The following PDZRN4 variants were observed in gnomAD, a reference collection of about 807,000 sequenced individuals.
PDZRN4 encodes PDZ domain-containing RING finger protein 4.
PDZRN4 carries 70 observed loss-of-function variants against 99.0 expected under a neutral mutation model. The ratio of observed to expected loss-of-function variants is 0.71; its 90% CI spans 0.58 to 0.86. The LOEUF (loss-of-function observed/expected upper bound fraction) is 0.86, where lower values mean the gene tolerates loss of function less well. PDZRN4 is among the 40% of genes least tolerant of loss of function. The pLI, the probability that PDZRN4 is intolerant of heterozygous loss-of-function variation, is 0.00. For missense variants in PDZRN4, 1,474 were observed against 1,331.2 expected (o/e 1.11, Z -1.67); for synonymous variants, 551 against 501.6 (o/e 1.10, Z -1.32).
At position 41,317,048 on chromosome 12, in the gene PDZRN4, G is replaced by GTATA. The variant is rs33919115; in HGVS notation, c.843+122883_843+122886dup. Among the ~76,000 whole-genome samples the GTATA allele has an allele frequency of 2.4e-3, 165 of 69,582 alleles. 4 individuals carry two copies. The highest frequency in any genetic ancestry group is 5.7e-3 in the African/African-American group (157 of 27,384). The allele number at this position is 69,582 out of a possible 152,430, so 45.6% of individuals were successfully genotyped here. A position where few individuals can be genotyped will look rare whatever the true frequency, so the allele number is the denominator to read the frequency against. ...TCCAGAGAATCATAACTTACATAAA[G>GTATA]TATATATATATATATATATATATAT... On this transcript the variant is annotated intron_variant, in intron 3 of 9. Coordinates refer to ENST00000402685, the MANE Select transcript of PDZRN4 (RefSeq NM_001164595.2).
chr12:41,239,763 G>T (rs1344413035), intron 3 of PDZRN4, among the ~76,000 whole-genome samples: 1 of 152,162 alleles, frequency 6.6e-6, no homozygotes, highest in East Asian at 1.9e-4. Flanking sequence ...GATTCACTGG[G>T]AAGCATATAT....
chr12:41,211,538 G>A (rs1950888809), intron 3 of PDZRN4, among the ~76,000 whole-genome samples: 1 of 151,748 alleles, frequency 6.6e-6, no homozygotes, highest in African/African-American at 2.4e-5. Flanking sequence ...TCATTAGCAT[G>A]ATTAGTGTTA....
intron 3 of PDZRN4, among the ~76,000 whole-genome samples, chr12:41,380,281 T>C (rs746093237): frequency 5.3e-5 from 8 of 152,070 alleles, no homozygotes; most frequent in African/African-American, 9.6e-5. Flanking sequence ...CTGGATTTTG[T>C]TTTTTAATCC....
intron 5 of PDZRN4, among the ~76,000 whole-genome samples, chr12:41,551,950 G>T (rs1386275047): frequency 2.0e-5 from 3 of 152,098 alleles, no homozygotes; most frequent in African/African-American, 7.2e-5. Context: ...CATTACCTGA[G>T]GACTGACATT....
intron 3 of PDZRN4, among the ~76,000 whole-genome samples, chr12:41,334,996 C>T (rs1332150632): frequency 1.3e-5 from 2 of 151,990 alleles, no homozygotes; most frequent in Non-Finnish European, 2.9e-5. Context: ...CTTATCCTAA[C>T]ATTTTAAAGT....
intron 3 of PDZRN4, among the ~76,000 whole-genome samples, chr12:41,385,350 G>A (rs1952161719): frequency 1.3e-5 from 2 of 152,124 alleles, no homozygotes; most frequent in African/African-American, 4.8e-5. Context: ...AACAGCCAAA[G>A]CGAAGTAAAA....
rs543355605 is a variant in PDZRN4, at chr12:41,267,474, G to A, written c.843+73286G>A. ...GAAGAGAGAACCAGGGTTTTCCATC[G>A]AATCAGAGGTTAGAAATGTCCTTTC... is the stretch of plus-strand genomic sequence containing the variant. On this transcript the variant is annotated intron_variant, in intron 3 of 9. Transcript: ENST00000402685. Among the ~76,000 whole-genome samples, 189 of 152,134 alleles carry A rather than the reference G, an allele frequency of 1.2e-3. 1 individual carries two copies. The highest frequency in any genetic ancestry group is 1.5e-3 in the Admixed American group (23 of 15,268).
At chr12:41,489,564 A>G (rs1322999941) in intron 3 of PDZRN4, among the ~76,000 whole-genome samples, 1 of 152,164 alleles carries the variant, frequency 6.6e-6, no homozygotes, top group African/African-American at 2.4e-5. Context: ...TGCAGTGTTT[A>G]GTATAAGCAA....
intron 5 of PDZRN4, among the ~76,000 whole-genome samples, chr12:41,549,477 T>C (rs1312375766): frequency 6.6e-6 from 1 of 152,204 alleles, no homozygotes; most frequent in Non-Finnish European, 1.5e-5. Context: ...AATGTATGTT[T>C]CTGTGTTTTA....
At chr12:41,302,405 A>G (rs1263370886) in intron 3 of PDZRN4, among the ~76,000 whole-genome samples, 1 of 152,160 alleles carries the variant, frequency 6.6e-6, no homozygotes, top group Non-Finnish European at 1.5e-5. Flanking sequence ...ATCCAAGGGA[A>G]GGGGTGTACA....
At chr12:41,431,232 G>A (rs1365574996) in intron 3 of PDZRN4, among the ~76,000 whole-genome samples, 2 of 152,052 alleles carry the variant, frequency 1.3e-5, no homozygotes, top group Non-Finnish European at 2.9e-5. Flanking sequence ...AACAAGTATT[G>A]GGCACATACG....
chr12:41,247,626 T>C lies in PDZRN4; in HGVS notation c.843+53438T>C, dbSNP rs114173375. 8.4e-3 allele frequency among the ~76,000 whole-genome samples: 1,279 copies of C among 152,242 alleles called. 21 individuals carry two copies. Among genetic ancestry groups the C allele is most frequent in the African/African-American group, 0.03 (1,233 of 41,532 alleles). ...GGAGAAATACAATAAATCTCTAACA[T>C]AGTAATTGTTATATGTTTCTTGGCA... On this transcript the variant is annotated intron_variant, in intron 3 of 9. Transcript: ENST00000402685.
chr12:41,210,109 A>G (rs964259485), intron 3 of PDZRN4, among the ~76,000 whole-genome samples: 3 of 151,920 alleles, frequency 2.0e-5, no homozygotes, highest in African/African-American at 7.3e-5. Flanking sequence ...GATGATGAGC[A>G]TTTTTTCATG....
At position 41,244,319 on chromosome 12, in the gene PDZRN4, GTC is replaced by G. The variant is rs529647940; in HGVS notation, c.843+50138_843+50139del. ...AGAATATTTCAATACCTTCTAACTG[GTC>G]TCTCTCCCTTCCTCTTTTGTGCCAC... On this transcript the variant is annotated intron_variant, in intron 3 of 9. Coordinates refer to ENST00000402685, the MANE Select transcript of PDZRN4 (RefSeq NM_001164595.2). Among the ~76,000 whole-genome samples the G allele has an allele frequency of 2.6e-5, 4 of 152,094 alleles. No homozygotes were observed. The South Asian group carries it at 8.3e-4, about 32-fold the overall frequency.
At chr12:41,281,743 T>G (rs1307618912) in intron 3 of PDZRN4, among the ~76,000 whole-genome samples, 2 of 152,186 alleles carry the variant, frequency 1.3e-5, no homozygotes, top group Non-Finnish European at 1.5e-5. Flanking sequence ...TATGTTTCAC[T>G]GGTGTACCTG....
At chr12:41,459,736 G>A (rs889384346) in intron 3 of PDZRN4, among the ~76,000 whole-genome samples, 3 of 152,118 alleles carry the variant, frequency 2.0e-5, no homozygotes, top group Non-Finnish European at 4.4e-5. Flanking sequence ...AAATCATTTT[G>A]CCTTGCAATA....
intron 3 of PDZRN4, among the ~76,000 whole-genome samples, chr12:41,286,701 T>G (rs2120898744): frequency 6.6e-6 from 1 of 152,254 alleles, no homozygotes; most frequent in Middle Eastern, 3.4e-3. Context: ...ACTACAAGTC[T>G]TTGCTTTGGA....
intron 3 of PDZRN4, among the ~76,000 whole-genome samples, chr12:41,201,674 C>T (rs764804302): frequency 6.9e-4 from 105 of 152,088 alleles, no homozygotes; most frequent in Non-Finnish European, 6.8e-4. Flanking sequence ...GAAATTTTTC[C>T]AGTTGGGCAG....
chr12:41,482,453 T>C (rs1937690799), intron 3 of PDZRN4, among the ~76,000 whole-genome samples: 1 of 152,146 alleles, frequency 6.6e-6, no homozygotes. Context: ...AGCCAACCAA[T>C]AGTATTTGTC....
Sources: gnomAD v4.1 joint callset for allele counts (sites outside exome capture counted in the v4.1 genomes callset) on GRCh38, gnomAD v4.1.1 for gene constraint, MANE v1.5 for transcripts, NCBI Gene and HGNC (gene_info 2026-07-23, HGNC 2026-07-21) for gene names.